The following TMEM272 variants were observed in gnomAD, a reference collection of about 807,000 sequenced individuals.
TMEM272 encodes transmembrane protein 272, also known as long intergenic non-protein coding RNA 282.
In TMEM272, 8 loss-of-function variants were observed where a neutral mutation model predicts 3.7. The ratio of observed to expected loss-of-function variants is 2.17; its 90% CI spans 1.27 to 3.91. The LOEUF is 3.91. Among genes scored for constraint, TMEM272 ranks in the 30% most tolerant of loss-of-function variants. TMEM272 has a pLI of 0.00. For synonymous variants in TMEM272, 63 were observed against 39.8 expected, an observed-to-expected ratio of 1.58 and a Z score of -2.20; for missense variants, 166 against 91.5, an observed-to-expected ratio of 1.81 and a Z score of -3.32.
chr13:51,840,899 C>T lies in TMEM272; in HGVS notation c.-23-2346G>A, dbSNP rs535351337. 1.6e-3 allele frequency among the ~76,000 whole-genome samples: 236 copies of T among 152,256 alleles called. 1 individual carries two copies. Among genetic ancestry groups the T allele is most frequent in the African/African-American group, 5.4e-3 (225 of 41,546 alleles). On this transcript the variant is annotated intron_variant, in intron 1 of 4. Coordinates refer to ENST00000629372, the MANE Select transcript of TMEM272 (RefSeq NM_001351003.2). ...CACATCCTTTGACTCGGGATTCTAC[C>T]GATCAAGGTGAAATGAGACCAGTTC...
the TMEM272 span, among the ~76,000 whole-genome samples, chr13:51,927,229 A>G: frequency 6.6e-6 from 1 of 152,206 alleles, no homozygotes. Context: ...AAATAAATAA[A>G]TAGACGATCC....
intron 1 of TMEM272, among the ~76,000 whole-genome samples, chr13:51,838,767 A>T (rs1332444918): frequency 1.3e-5 from 2 of 152,088 alleles, no homozygotes; most frequent in African/African-American, 4.8e-5. Context: ...AAGCTCAGAG[A>T]GGTTAAGAGG....
the TMEM272 span, among the ~76,000 whole-genome samples, chr13:51,897,362 A>ATTTTTTTTTTTTTTTTTT: frequency 4.9e-5 from 4 of 82,442 alleles, no homozygotes; most frequent in African/African-American, 8.2e-5. Context: ...TGTCTGGCTA[A>ATTTTTTTTTTTTTTTTTT]TTTTTTTTTT....
At chr13:51,850,971 T>C in the TMEM272 span, among the ~76,000 whole-genome samples, 3 of 152,240 alleles carry the variant, frequency 2.0e-5, no homozygotes, top group Non-Finnish European at 4.4e-5. Context: ...AAGTGTGCCC[T>C]AGGATCATGT....
chr13:51,818,289 G>A (rs1956051091), intron 4 of TMEM272, among the ~76,000 whole-genome samples: 1 of 152,200 alleles, frequency 6.6e-6, no homozygotes, highest in African/African-American at 2.4e-5. Context: ...AGAGAAGCAA[G>A]GATAAAATAA....
At chr13:51,830,158 CTCT>C (rs1429665021) in intron 2 of TMEM272, among the ~76,000 whole-genome samples, 1 of 152,226 alleles carries the variant, frequency 6.6e-6, no homozygotes, top group Admixed American at 6.5e-5. Context: ...CTTATGAAGG[CTCT>C]TGTGTCATGT....
the TMEM272 span, among the ~76,000 whole-genome samples, chr13:51,867,102 C>T: frequency 0.9 from 137,498 of 152,116 alleles, 62,642 homozygotes; most frequent in East Asian, 0.99. Flanking sequence ...GTGTCCTGCT[C>T]CCCCTTTCCT....
At chr13:51,821,275 G>A (rs1301957602) in intron 4 of TMEM272, among the ~76,000 whole-genome samples, 3 of 152,196 alleles carry the variant, frequency 2.0e-5, no homozygotes, top group Non-Finnish European at 2.9e-5. Context: ...AAGTGGTGAG[G>A]TGGGCTTGGA....
the TMEM272 span, among the ~76,000 whole-genome samples, chr13:51,871,854 G>C: frequency 8.3e-6 from 1 of 120,508 alleles, no homozygotes; most frequent in African/African-American, 3.4e-5. Context: ...AAACAGAGAC[G>C]CCCAGAGGCT....
the TMEM272 span, among the ~76,000 whole-genome samples, chr13:51,890,090 T>G: frequency 6.6e-6 from 1 of 152,160 alleles, no homozygotes; most frequent in African/African-American, 2.4e-5. Context: ...GGACCTCAGC[T>G]CAGAGTGAGC....
At chr13:51,865,405 A>G in the TMEM272 span, 6 of 1,604,168 alleles carry the variant, frequency 3.7e-6, no homozygotes, top group Admixed American at 5.1e-5. Context: ...TCCGGCTGAT[A>G]AGGAAGATGT....
At chr13:51,863,883 C>G in the TMEM272 span, among the ~76,000 whole-genome samples, 1 of 152,172 alleles carries the variant, frequency 6.6e-6, no homozygotes, top group East Asian at 1.9e-4. Flanking sequence ...AAATGGAAAA[C>G]AATGCTGTCA....
At chr13:51,821,942 G>A (rs1202839517) in intron 4 of TMEM272, 113 bp downstream of exon 4, 2 of 692,630 alleles carry the variant, frequency 2.9e-6, no homozygotes, top group Non-Finnish European at 5.2e-6. Flanking sequence ...ACCACGCTTA[G>A]GGGGAAGTTG....
the TMEM272 span, among the ~76,000 whole-genome samples, chr13:51,895,273 G>A: frequency 6.6e-6 from 1 of 152,164 alleles, no homozygotes; most frequent in Admixed American, 6.5e-5. Flanking sequence ...GTGGTTTGTG[G>A]GGAGCTGCAG....
the TMEM272 span, among the ~76,000 whole-genome samples, chr13:51,926,694 G>A: frequency 6.6e-6 from 1 of 152,064 alleles, no homozygotes; most frequent in Non-Finnish European, 1.5e-5. Flanking sequence ...CACAGTGGGT[G>A]GGGACAGGGG....
the TMEM272 span, among the ~76,000 whole-genome samples, chr13:51,875,930 T>C: frequency 6.6e-6 from 1 of 152,220 alleles, no homozygotes; most frequent in Admixed American, 6.5e-5. Context: ...TCTCCCCTGC[T>C]CTTCCTCCCT....
the TMEM272 span, among the ~76,000 whole-genome samples, chr13:51,931,100 G>C: frequency 3.3e-5 from 5 of 152,212 alleles, no homozygotes; most frequent in East Asian, 9.6e-4. Flanking sequence ...AGGAAAATGT[G>C]ATCAAGTTTT....
chr13:51,866,020 T>G, the TMEM272 span: 2 of 1,610,460 alleles, frequency 1.2e-6, no homozygotes, highest in Non-Finnish European at 1.7e-6. Flanking sequence ...TGCTCGAAGA[T>G]GGGCCCCACA....
At chr13:51,896,749 T>C in the TMEM272 span, among the ~76,000 whole-genome samples, 1 of 152,176 alleles carries the variant, frequency 6.6e-6, no homozygotes, top group African/African-American at 2.4e-5. Context: ...CTTGGCCAGT[T>C]TGGTCGGCTT....
Sources: gnomAD v4.1 joint callset for allele counts (sites outside exome capture counted in the v4.1 genomes callset) on GRCh38, gnomAD v4.1.1 for gene constraint, MANE v1.5 for transcripts, NCBI Gene and HGNC (gene_info 2026-07-23, HGNC 2026-07-21) for gene names.